The following ST8SIA2 variants were observed in gnomAD, a reference collection of about 807,000 sequenced individuals.
The protein encoded by ST8SIA2 is alpha-2,8-sialyltransferase 8B.
Under a neutral mutation model 37.6 loss-of-function variants are expected in ST8SIA2, and 22 were observed. The ratio of observed to expected loss-of-function variants is 0.58; its 90% CI spans 0.42 to 0.83. ST8SIA2 has a LOEUF of 0.83. ST8SIA2 is among the 40% of genes least tolerant of loss of function. ST8SIA2 has a pLI of 0.00. For missense variants in ST8SIA2, 382 were observed against 484.7 expected (o/e 0.79, Z 1.99); for synonymous variants, 205 against 201.2 (o/e 1.02, Z -0.16).
intron 1 of ST8SIA2, among the ~76,000 whole-genome samples, chr15:92,411,849 T>C: frequency 6.6e-6 from 1 of 152,084 alleles, no homozygotes; most frequent in East Asian, 1.9e-4. Context: ...AGATAAAATC[T>C]CTAAAGTAGA....
At chr15:92,458,401 C>T (rs2141850239) in intron 5 of ST8SIA2, among the ~76,000 whole-genome samples, 1 of 152,312 alleles carries the variant, frequency 6.6e-6, no homozygotes, top group Non-Finnish European at 1.5e-5. Flanking sequence ...ACCAGAGATG[C>T]CAGGAGATGT....
intron 2 of ST8SIA2, among the ~76,000 whole-genome samples, chr15:92,433,868 A>C (rs1869777): frequency 0.58 from 88,672 of 151,998 alleles, 26,623 homozygotes; most frequent in African/African-American, 0.7. Context: ...AGTTTGTAAG[A>C]CCATCATTTG....
At chr15:92,427,338 A>G (rs1478263775) in intron 1 of ST8SIA2, among the ~76,000 whole-genome samples, 1 of 151,820 alleles carries the variant, frequency 6.6e-6, no homozygotes, top group East Asian at 1.9e-4. Context: ...CACGGGGACT[A>G]TATATATCTA....
chr15:92,422,268 A>G (rs906612922), intron 1 of ST8SIA2: 1 of 152,224 alleles, frequency 6.6e-6, no homozygotes, highest in Non-Finnish European at 1.5e-5. Context: ...TTGATGTTCA[A>G]GCCTCCAGAT....
At chr15:92,449,946 G>A (rs898312406) in intron 5 of ST8SIA2, among the ~76,000 whole-genome samples, 8 of 152,074 alleles carry the variant, frequency 5.3e-5, no homozygotes, top group Non-Finnish European at 1.0e-4. Flanking sequence ...CATTCTGTAG[G>A]TTGTCTGCAT....
chr15:92,405,065 G>A (rs2049498054), intron 1 of ST8SIA2, among the ~76,000 whole-genome samples: 1 of 151,754 alleles, frequency 6.6e-6, no homozygotes, highest in Non-Finnish European at 1.5e-5. Flanking sequence ...GTTTGGACAT[G>A]CCTGGGCAAT....
In ST8SIA2 at chr15:92,444,658, G is replaced by C. The variant is rs759600586; in HGVS notation, c.571G>C (p.Glu191Gln). 3 of 1,614,134 alleles carry C rather than the reference G, an allele frequency of 1.9e-6. No homozygotes were observed. Among genetic ancestry groups the C allele is most frequent in the Non-Finnish European group, 2.5e-6 (3 of 1,180,048 alleles). The stretch of plus-strand genomic sequence containing the variant: ...CAGGTGCAACCTGGCCCCAGTACAG[G>C]AGTATGCCCGGGATGTGGGGCTCAA... ...VIRCNLAPVQ[E>Q]YARDVGLKTD... The change falls in exon 5 of 6, where the codon GAG becomes CAG. Residue 191 changes from glutamate (E) to glutamine (Q), a missense_variant. Transcript: ENST00000268164.
chr15:92,421,236 C>G (rs1202208553), intron 1 of ST8SIA2: 1 of 152,088 alleles, frequency 6.6e-6, no homozygotes, highest in African/African-American at 2.4e-5. Context: ...CATGGTTCTC[C>G]CTGCTAGAAC....
At chr15:92,443,300 C>T (rs1055707373) in intron 4 of ST8SIA2, among the ~76,000 whole-genome samples, 3 of 152,174 alleles carry the variant, frequency 2.0e-5, no homozygotes, top group East Asian at 1.9e-4. Flanking sequence ...CCAGACCTCC[C>T]CTGCAGTGCC....
chr15:92,441,063 T>C (rs142560989), intron 4 of ST8SIA2, among the ~76,000 whole-genome samples: 1,667 of 152,304 alleles, frequency 0.011, 34 homozygotes, highest in African/African-American at 0.037. Context: ...TGGCAGACGC[T>C]GTGAAGCTCC....
intron 1 of ST8SIA2, among the ~76,000 whole-genome samples, chr15:92,424,153 A>G (rs2049656841): frequency 6.6e-6 from 1 of 152,230 alleles, no homozygotes; most frequent in African/African-American, 2.4e-5. Flanking sequence ...CTCAAGACTA[A>G]TCACCTGTTT....
chr15:92,449,469 A>G (rs947852198), intron 5 of ST8SIA2, among the ~76,000 whole-genome samples: 1 of 152,230 alleles, frequency 6.6e-6, no homozygotes, highest in Non-Finnish European at 1.5e-5. Context: ...TGCTATGAAC[A>G]TGCCAGTGCA....
At chr15:92,420,082 G>A (rs1337908126) in intron 1 of ST8SIA2, among the ~76,000 whole-genome samples, 1 of 152,154 alleles carries the variant, frequency 6.6e-6, no homozygotes, top group African/African-American at 2.4e-5. Context: ...GGCCAGGATG[G>A]TCTCGATCTA....
rs550876366 is a variant in ST8SIA2, at chr15:92,437,380, G to A, written c.291-973G>A. On this transcript the variant is annotated intron_variant, in intron 3 of 5. Coordinates refer to ENST00000268164, the MANE Select transcript of ST8SIA2 (RefSeq NM_006011.4). Reference sequence around the variant, plus strand: ...GTTTCAGGTAAAGCTTTTCTGGCAAGGCTAAGAGGACACCCATCCCTTTCC... The same window carrying A: ...GTTTCAGGTAAAGCTTTTCTGGCAAAGCTAAGAGGACACCCATCCCTTTCC... 1.0e-3 allele frequency among the ~76,000 whole-genome samples: 155 copies of A among 152,310 alleles called. 1 individual carries two copies. The highest frequency in any genetic ancestry group is 3.7e-3 in the African/African-American group (152 of 41,558).
chr15:92,452,307 G>T (rs905786328), intron 5 of ST8SIA2, among the ~76,000 whole-genome samples: 2 of 152,008 alleles, frequency 1.3e-5, no homozygotes, highest in Non-Finnish European at 2.9e-5. Context: ...CCACCAATCT[G>T]TGTCTCAGCA....
intron 1 of ST8SIA2, among the ~76,000 whole-genome samples, chr15:92,416,299 T>A (rs2049586279): frequency 6.7e-6 from 1 of 149,066 alleles, no homozygotes; most frequent in Non-Finnish European, 1.5e-5. Flanking sequence ...GAACTAGGGG[T>A]GGCTGCCATT....
At chr15:92,417,245 A>G (rs3784740) in intron 1 of ST8SIA2, among the ~76,000 whole-genome samples, 75,525 of 152,044 alleles carry the variant, frequency 0.5, 19,123 homozygotes, top group East Asian at 0.72. Flanking sequence ...TCCTCCTTCC[A>G]TCTGACACCA....
At chr15:92,448,000 G>A (rs528251169) in intron 5 of ST8SIA2, among the ~76,000 whole-genome samples, 1 of 152,314 alleles carries the variant, frequency 6.6e-6, no homozygotes, top group African/African-American at 2.4e-5. Flanking sequence ...CTTTGTTAAG[G>A]AGAGAAAATG....
At chr15:92,396,502 TC>T (rs2049431669) in intron 1 of ST8SIA2, among the ~76,000 whole-genome samples, 1 of 151,980 alleles carries the variant, frequency 6.6e-6, no homozygotes, top group African/African-American at 2.4e-5. Context: ...TTTTTCTTTT[TC>T]TTTTTTTTGA....
Sources: gnomAD v4.1 joint callset for allele counts (sites outside exome capture counted in the v4.1 genomes callset) on GRCh38, gnomAD v4.1.1 for gene constraint, MANE v1.5 for transcripts, NCBI Gene and HGNC (gene_info 2026-07-23, HGNC 2026-07-21) for gene names.